Variants in DAGLA observed in about 807,000 individuals in gnomAD.
DAGLA encodes the protein diacylglycerol lipase alpha, also known as diacylglycerol lipase-alpha.
In DAGLA, 22 loss-of-function variants were observed where a neutral mutation model predicts 102.6. That is an observed-to-expected ratio of 0.21 (90% CI 0.15 to 0.31). The LOEUF is 0.31. DAGLA is among the 10% of genes least tolerant of loss of function. The pLI is 1.00. For missense variants in DAGLA, 927 were observed against 1,446.6 expected (o/e 0.64, Z 5.83); for synonymous variants, 578 against 628.9 (o/e 0.92, Z 1.21).
At chr11:61,730,437 G>C (rs2065363796) in intron 8 of DAGLA, among the ~76,000 whole-genome samples, 1 of 152,190 alleles carries the variant, frequency 6.6e-6, no homozygotes, top group Admixed American at 6.5e-5. Context: ...AAGAGCAGCT[G>C]AGCTGGCCAG....
chr11:61,703,287 C>T (rs769793501), intron 1 of DAGLA, among the ~76,000 whole-genome samples: 4 of 152,196 alleles, frequency 2.6e-5, no homozygotes, highest in African/African-American at 4.8e-5. Flanking sequence ...ACACATTCAC[C>T]AGAACTTTAG....
In DAGLA at chr11:61,745,396, C is replaced by T. The variant is rs1440690465; in HGVS notation, c.*907C>T. On this transcript the variant is annotated 3_prime_UTR_variant, in exon 20 of 20. Coordinates refer to ENST00000257215, the MANE Select transcript of DAGLA (RefSeq NM_006133.3). ...CCACCTCACCCCTTGGTGTCACCCC[C>T]ACCACGCCTAGGCAGCTCTGGGCCC... 3 of 152,740 alleles carry T rather than the reference C, an allele frequency of 2.0e-5. No homozygotes were observed. Among genetic ancestry groups the T allele is most frequent in the Admixed American group, 1.3e-4 (2 of 15,282 alleles). The allele number at this position is 152,740 out of a possible 1,614,324, so 9.5% of individuals were successfully genotyped here.
rs532405430 is a variant in DAGLA at position 61,726,854 on chromosome 11, C to T, written c.636+772C>T. Among the ~76,000 whole-genome samples the T allele has an allele frequency of 4.7e-4, 72 of 152,338 alleles. 2 individuals carry two copies. The South Asian group carries it at 0.014, about 30-fold the overall frequency. ...TGCCCACCAGCGTCCCCTGGTGAGC[C>T]GTAGAGTGAGTAATCAAGTGTAAGA... On this transcript the variant is annotated intron_variant, in intron 6 of 19. Coordinates refer to ENST00000257215, the MANE Select transcript of DAGLA (RefSeq NM_006133.3).
At chr11:61,733,990 G>A (rs1011850995) in intron 9 of DAGLA, among the ~76,000 whole-genome samples, 3 of 152,200 alleles carry the variant, frequency 2.0e-5, no homozygotes, top group African/African-American at 7.2e-5. Context: ...GCTGGCAGCA[G>A]GTCAGAGAGA....
intron 1 of DAGLA, among the ~76,000 whole-genome samples, chr11:61,716,163 A>G (rs1197246920): frequency 6.6e-6 from 1 of 152,062 alleles, no homozygotes; most frequent in Non-Finnish European, 1.5e-5. Flanking sequence ...GCTGGCACCC[A>G]GAGGTGTGGC....
intron 1 of DAGLA, among the ~76,000 whole-genome samples, chr11:61,708,420 G>A (rs2065167383): frequency 6.6e-6 from 1 of 150,674 alleles, no homozygotes; most frequent in Non-Finnish European, 1.5e-5. Context: ...TCACTCTGTC[G>A]CCCAGGCTTG....
intron 1 of DAGLA, among the ~76,000 whole-genome samples, chr11:61,707,157 C>T (rs997002374): frequency 3.3e-5 from 5 of 152,260 alleles, no homozygotes; most frequent in African/African-American, 1.2e-4. Context: ...GAGTGAAGTG[C>T]CACTGGGGCC....
chr11:61,686,095 A>C lies in DAGLA; in HGVS notation c.-45+5591A>C, dbSNP rs889527226. 6.6e-6 allele frequency among the ~76,000 whole-genome samples: 1 copy of C among 152,118 alleles called. No individual in the cohort carries two copies. Among genetic ancestry groups the C allele is most frequent in the African/African-American group, 2.4e-5 (1 of 41,414 alleles). On this transcript the variant is annotated intron_variant, in intron 1 of 19. Transcript: ENST00000257215. This position sits in a 1 kb window ranked among gnomAD's most constrained non-coding sequence, Gnocchi z 5.2. ...TGAGGGACAAGAGTAGGGGGTGCCC[A>C]GGTACAGAGGGCTTGAACCAGGGCA...
At chr11:61,730,363 G>A (rs1009217638) in intron 8 of DAGLA, among the ~76,000 whole-genome samples, 4 of 152,006 alleles carry the variant, frequency 2.6e-5, no homozygotes, top group African/African-American at 7.2e-5. Flanking sequence ...GGCCCACCCC[G>A]CCCCCAGGGC....
At chr11:61,692,041 C>G (rs1448291211) in intron 1 of DAGLA, among the ~76,000 whole-genome samples, 2 of 152,166 alleles carry the variant, frequency 1.3e-5, no homozygotes, top group African/African-American at 4.8e-5. Context: ...CTAACAACTC[C>G]CAATAATGCT....
In DAGLA at chr11:61,686,770, A is replaced by G. The variant is rs1164205844; in HGVS notation, c.-45+6266A>G. The stretch of plus-strand genomic sequence containing the variant: ...TTGTCTCTCCTGGAGCCATTTAATT[A>G]ATTGATGATTGATGTTCCTGGACTT... On this transcript the variant is annotated intron_variant, in intron 1 of 19. Transcript: ENST00000257215. The surrounding 1 kb of genome is among the most constrained non-coding windows in gnomAD (Gnocchi z 5.2). Among the ~76,000 whole-genome samples, 1 of 152,134 alleles carries G rather than the reference A, an allele frequency of 6.6e-6. No individual in the cohort carries two copies. The highest frequency in any genetic ancestry group is 6.5e-5 in the Admixed American group (1 of 15,278).
intron 19 of DAGLA, 152 bp downstream of exon 19, chr11:61,741,501 C>T (rs1477575754): frequency 1.2e-6 from 1 of 867,192 alleles, no homozygotes; most frequent in Non-Finnish European, 1.7e-6. Context: ...CTAGGGCTCT[C>T]TTGCTGTGCT....
chr11:61,734,853 T>C lies in DAGLA; in HGVS notation c.979T>C (p.Cys327Arg). 3 of 1,613,090 alleles carry C rather than the reference T, an allele frequency of 1.9e-6. No homozygotes were observed. The highest frequency in any genetic ancestry group is 2.5e-6 in the Non-Finnish European group (3 of 1,179,236). Residue 327 changes from cysteine to arginine, a missense_variant, in exon 10 of 20, where the codon TGC (cysteine) becomes CGC (arginine). By Grantham distance (180) the Cys-to-Arg change is radical. Transcript: ENST00000257215. This position sits in a 1 kb window ranked among gnomAD's most constrained non-coding sequence, Gnocchi z 4.2. The part of the protein sequence containing the change: ...LCQLARSCSC[C>R]LCPARPRFAP... ...TCTCTTGTCACCCCACCCTAGGTGTTGCCTGTGTCCTGCGAGGCCGCGGTT... is the reference window on the plus strand; with the variant it reads ...TCTCTTGTCACCCCACCCTAGGTGTCGCCTGTGTCCTGCGAGGCCGCGGTT...
chr11:61,709,061 C>CT (rs1565252278), intron 1 of DAGLA, among the ~76,000 whole-genome samples: 1 of 152,106 alleles, frequency 6.6e-6, no homozygotes, highest in African/African-American at 2.4e-5. Flanking sequence ...CTGGCTCAGG[C>CT]GAGGGGAGGA....
chr11:61,726,125 G>A (rs1424098559), intron 6 of DAGLA, 43 bp downstream of exon 6: 1 of 1,581,750 alleles, frequency 6.3e-7, no homozygotes, highest in Non-Finnish European at 8.6e-7. Flanking sequence ...ACATCCTGTG[G>A]TCAGGTGATT....
At chr11:61,690,572 A>G (rs1252796939) in intron 1 of DAGLA, among the ~76,000 whole-genome samples, 2 of 152,138 alleles carry the variant, frequency 1.3e-5, no homozygotes, top group South Asian at 4.1e-4. Flanking sequence ...TGTGCTCAGG[A>G]CAGTCCCATG....
At position 61,720,830 on chromosome 11, in the gene DAGLA, G is replaced by A. The variant is rs924308928; in HGVS notation, c.247G>A (p.Gly83Arg). The A allele has an allele frequency of 1.2e-6, 2 of 1,613,558 alleles. No individual in the cohort carries two copies. Among genetic ancestry groups the A allele is most frequent in the Non-Finnish European group, 1.7e-6 (2 of 1,180,034 alleles). ...GGCCATCATCTGGCTGAGCATGCGC[G>A]GGGGCATCCTCTACACGGAGCCCCG... ...EMAIIWLSMR[G>R]GILYTEPRDS... The change falls in exon 3 of 20, where the codon GGG becomes AGG. Residue 83 changes from glycine (G) to arginine (R), a missense_variant. Gly to Arg is a moderately radical substitution (Grantham distance 125). This residue lies in a region of DAGLA where 231 missense variants were observed against 439.8 expected (regional missense o/e 0.53). Transcript: ENST00000257215.
Position 61,736,250 on chromosome 11 carries a change from T to C in DAGLA, c.1291-20T>C. 1 of 1,611,746 alleles carries C rather than the reference T, an allele frequency of 6.2e-7. No individual in the cohort carries two copies. Among genetic ancestry groups the C allele is most frequent in the South Asian group, 1.1e-5 (1 of 91,028 alleles). On this transcript the variant is annotated intron_variant, in intron 12 of 19. Transcript: ENST00000257215. Reference sequence around the variant, plus strand: ...TGGGAGGCCTCCCACCAACACCTGCTTCTGTTCCTGCCCACCCAGGGTATG... The same window carrying C: ...TGGGAGGCCTCCCACCAACACCTGCCTCTGTTCCTGCCCACCCAGGGTATG...
In DAGLA at chr11:61,744,690, C is replaced by T. The variant is rs973416350; in HGVS notation, c.*201C>T. On this transcript the variant is annotated 3_prime_UTR_variant, in exon 20 of 20. Coordinates refer to ENST00000257215, the MANE Select transcript of DAGLA (RefSeq NM_006133.3). The stretch of plus-strand genomic sequence containing the variant: ...AGAGCCAAGGTGGCTGGGATCTGGC[C>T]CCACAGATGGGGAAAGATGGGGAAG... 3 of 553,002 alleles carry T rather than the reference C, an allele frequency of 5.4e-6. No individual in the cohort carries two copies. The highest frequency in any genetic ancestry group is 3.6e-5 in the Admixed American group (1 of 27,858). The allele number at this position is 553,002 out of a possible 1,614,324, so 34.3% of individuals were successfully genotyped here. A position where few individuals can be genotyped will look rare whatever the true frequency, so the allele number is the denominator to read the frequency against.
Sources: allele counts gnomAD v4.1 joint callset (sites outside exome capture counted in the v4.1 genomes callset), GRCh38; gene constraint gnomAD v4.1.1; regional missense constraint gnomAD v4.1.1; non-coding constraint Gnocchi (gnomAD v3.1); transcripts MANE v1.5; gene names NCBI Gene and HGNC (gene_info 2026-07-23, HGNC 2026-07-21).